The following ECHDC2 variants were observed in gnomAD, a reference collection of about 807,000 sequenced individuals.
ECHDC2 encodes the protein enoyl-CoA hydratase domain containing 2.
A neutral mutation model predicts 40.6 loss-of-function variants in ECHDC2; 34 were observed. The ratio of observed to expected loss-of-function variants is 0.84; its 90% CI spans 0.64 to 1.11. The LOEUF is 1.11. Among genes scored for constraint, ECHDC2 ranks in the 50% most tolerant of loss-of-function variants. The probability of loss-of-function intolerance (pLI) is 0.00; values close to 1 mark genes in which losing one functional copy is unlikely to be tolerated. For missense variants in ECHDC2, 392 were observed against 400.7 expected, an observed-to-expected ratio of 0.98 and a Z score of 0.19; for synonymous variants, 162 against 166.6, an observed-to-expected ratio of 0.97 and a Z score of 0.21.
chr1:52,899,509 C>A (rs1194081038), intron 7 of ECHDC2: 7 of 454,704 alleles, frequency 1.5e-5, no homozygotes, highest in African/African-American at 2.0e-5. Context: ...TTTCCTCCCC[C>A]ACAGACTCAT....
At chr1:52,896,682 A>G in intron 9 of ECHDC2, 85 bp from the exon 10 acceptor site, 1 of 1,109,606 alleles carries the variant, frequency 9.0e-7, no homozygotes, top group Non-Finnish European at 1.4e-6. Flanking sequence ...AGCCCAAGAC[A>G]AGGCCAGGGT....
intron 4 of ECHDC2, 178 bp downstream of exon 4, chr1:52,907,690 T>C: frequency 1.7e-6 from 1 of 574,316 alleles, no homozygotes; most frequent in South Asian, 2.3e-5. Flanking sequence ...GAGCCAGAAC[T>C]CCCTCTCTGA....
rs1382552236 is a variant in ECHDC2, at chr1:52,911,548, G to T, written c.277+18C>A. On this transcript the variant is annotated intron_variant, in intron 3 of 9. Coordinates refer to ENST00000371522, the MANE Select transcript of ECHDC2 (RefSeq NM_001198961.2). Reference sequence around the variant, plus strand: ...GGCACCCTGCAGAGCACAGATGGGGGCAGGAGAGAGAACCTACCTGCACAG... The same window carrying T: ...GGCACCCTGCAGAGCACAGATGGGGTCAGGAGAGAGAACCTACCTGCACAG... 6.2e-7 allele frequency: 1 copy of T among 1,611,614 alleles called. No individual in the cohort carries two copies. The highest frequency in any genetic ancestry group is 8.5e-7 in the Non-Finnish European group (1 of 1,179,204).
chr1:52,915,247 C>A (rs1342685870), intron 1 of ECHDC2: 2 of 455,850 alleles, frequency 4.4e-6, no homozygotes, highest in South Asian at 1.5e-5. Context: ...AATCCTTTGG[C>A]CTTCAAAGAC....
intron 1 of ECHDC2, 142 bp downstream of exon 1, chr1:52,921,411 A>T (rs1651857189): frequency 2.1e-6 from 3 of 1,420,182 alleles, no homozygotes; most frequent in Non-Finnish European, 2.7e-6. Context: ...TCAGGCCTGG[A>T]GCGGTTTGGG....
At chr1:52,905,286 AC>A (rs1647491867) in intron 5 of ECHDC2, 196 bp from the exon 6 acceptor site, 1 of 598,202 alleles carries the variant, frequency 1.7e-6, no homozygotes, top group Admixed American at 2.9e-5. Context: ...CCCTTATTTC[AC>A]CATGCCCCTT....
At chr1:52,913,768 G>A (rs1223643770) in intron 1 of ECHDC2, 5 of 238,720 alleles carry the variant, frequency 2.1e-5, no homozygotes, top group Middle Eastern at 1.8e-3. Flanking sequence ...ATGCACTGTC[G>A]CCACCCGGGG....
intron 1 of ECHDC2, chr1:52,913,759 T>C (rs1263021994): frequency 4.7e-6 from 1 of 211,252 alleles, no homozygotes; most frequent in Non-Finnish European, 9.0e-6. Context: ...CCTACACTGA[T>C]GCACTGTCGC....
intron 7 of ECHDC2, chr1:52,902,191 C>T (rs932687631): frequency 6.6e-6 from 1 of 152,196 alleles, no homozygotes; most frequent in Non-Finnish European, 1.5e-5. Context: ...GAATCTTGCT[C>T]TGTCACTTGG....
intron 1 of ECHDC2, among the ~76,000 whole-genome samples, chr1:52,917,284 T>G (rs896054459): frequency 4.0e-5 from 6 of 150,532 alleles, no homozygotes; most frequent in African/African-American, 1.5e-4. Flanking sequence ...TTAACAACAC[T>G]TTACTATACA....
intron 8 of ECHDC2, 114 bp downstream of exon 8, chr1:52,899,060 A>T: frequency 9.5e-7 from 1 of 1,052,538 alleles, no homozygotes; most frequent in Non-Finnish European, 1.5e-6. Flanking sequence ...CAAGTCTGTT[A>T]GAAGAGTCCA....
chr1:52,915,567 A>G (rs2150068536), intron 1 of ECHDC2, among the ~76,000 whole-genome samples: 1 of 152,308 alleles, frequency 6.6e-6, no homozygotes. Context: ...CCAGTGCTCC[A>G]GGAGAGAAAA....
At chr1:52,912,142 T>C (rs189157078) in intron 1 of ECHDC2, 1 of 746,338 alleles carries the variant, frequency 1.3e-6, no homozygotes, top group East Asian at 6.5e-5. Flanking sequence ...ATGTACCTTC[T>C]TTAATTTTAC....
intron 9 of ECHDC2, chr1:52,897,204 G>C: frequency 3.5e-6 from 2 of 569,362 alleles, no homozygotes; most frequent in Non-Finnish European, 6.3e-6. Flanking sequence ...TGTGATTCTC[G>C]GCATTAAGTG....
intron 7 of ECHDC2, chr1:52,899,890 A>G (rs1646880192): frequency 6.6e-6 from 1 of 152,258 alleles, no homozygotes; most frequent in Non-Finnish European, 1.5e-5. Flanking sequence ...GTTCCACACC[A>G]GCCCTAGCAC....
At chr1:52,897,774 C>T (rs946764013) in intron 8 of ECHDC2, 17 of 518,402 alleles carry the variant, frequency 3.3e-5, no homozygotes, top group Middle Eastern at 1.1e-3. Context: ...TGGGCCCTGG[C>T]AATTGCTCCA....
intron 7 of ECHDC2, chr1:52,900,293 TAA>T (rs934055112): frequency 1.2e-4 from 19 of 152,054 alleles, no homozygotes; most frequent in African/African-American, 2.4e-4. Flanking sequence ...GATAGAAAAG[TAA>T]AAGAGTATGC....
At position 52,906,608 on chromosome 1, in the gene ECHDC2, G is replaced by T. The variant is rs781007860; in HGVS notation, c.368C>A (p.Ala123Asp). ...RLRGLMNDIAAFPAPTIAAMD... is the reference protein window; with the variant it reads ...RLRGLMNDIADFPAPTIAAMD... ...AGCCGCAATGGTGGGTGCAGGGAAG[G>T]CTGCTGTGGAGAGGAAGAAAGGCTC... Residue 123 changes from alanine (A) to aspartate (D), a missense_variant, in exon 5 of 10, where the codon GCC becomes GAC. Transcript: ENST00000371522. 16 of 1,607,808 alleles carry T rather than the reference G, an allele frequency of 1.0e-5. No individual in the cohort carries two copies. Among genetic ancestry groups the T allele is most frequent in the Non-Finnish European group, 1.4e-5 (16 of 1,176,770 alleles).
intron 1 of ECHDC2, among the ~76,000 whole-genome samples, chr1:52,919,500 G>A (rs1651434114): frequency 6.6e-6 from 1 of 152,156 alleles, no homozygotes; most frequent in South Asian, 2.1e-4. Flanking sequence ...CTGTGTAGGT[G>A]CACTCTGTGA....
Sources: gnomAD v4.1 joint callset for allele counts (sites outside exome capture counted in the v4.1 genomes callset) on GRCh38, gnomAD v4.1.1 for gene constraint, MANE v1.5 for transcripts, NCBI Gene and HGNC (gene_info 2026-07-23, HGNC 2026-07-21) for gene names.